The following NFKBIZ variants were observed in gnomAD, a reference collection of about 807,000 sequenced individuals.
NFKBIZ encodes NFKB inhibitor zeta, also known as NF-kappa-B inhibitor zeta.
A neutral mutation model predicts 76.8 loss-of-function variants in NFKBIZ; 19 were observed. The observed-to-expected ratio is 0.25, with a 90% CI of 0.17 to 0.36. NFKBIZ has a LOEUF of 0.36. Among genes scored for constraint, NFKBIZ ranks in the 10% least tolerant of loss-of-function variants. NFKBIZ has a pLI of 1.00. For missense variants in NFKBIZ, 829 were observed against 910.9 expected (o/e 0.91, Z 1.16); for synonymous variants, 368 against 354.8 (o/e 1.04, Z -0.42).
Position 101,852,728 on chromosome 3 carries a change from T to G in NFKBIZ, c.430-10T>G. ...TGTATACACTAAATTGGAAACTTTT[T>G]TCTTTATAGACACAAGGTGTGAACA... On this transcript the variant is annotated splice_polypyrimidine_tract_variant and intron_variant, in intron 2 of 11. Coordinates refer to ENST00000326172, the MANE Select transcript of NFKBIZ (RefSeq NM_031419.4). The G allele has an allele frequency of 1.3e-6, 2 of 1,598,858 alleles. No homozygotes were observed. Among genetic ancestry groups the G allele is most frequent in the Non-Finnish European group, 1.7e-6 (2 of 1,174,678 alleles).
intron 2 of NFKBIZ, among the ~76,000 whole-genome samples, chr3:101,837,504 A>AG (rs1431260351): frequency 1.3e-5 from 2 of 151,650 alleles, no homozygotes; most frequent in African/African-American, 4.8e-5. Context: ...AAAAAAAAAA[A>AG]AAAAGAAAAG....
intron 2 of NFKBIZ, among the ~76,000 whole-genome samples, chr3:101,840,720 G>A (rs994034211): frequency 1.3e-5 from 2 of 152,178 alleles, no homozygotes; most frequent in African/African-American, 4.8e-5. Flanking sequence ...TGTTTATTGG[G>A]ATGTTCAACT....
intron 1 of NFKBIZ, chr3:101,850,132 G>T: frequency 2.3e-6 from 1 of 433,562 alleles, no homozygotes; most frequent in Admixed American, 4.5e-5. Context: ...CCCTCCCGCG[G>T]GCCTCGGGGG....
At chr3:101,857,832 A>G in intron 11 of NFKBIZ, 2 of 979,870 alleles carry the variant, frequency 2.0e-6, no homozygotes, top group Non-Finnish European at 2.4e-6. Context: ...TGTGGATATT[A>G]AATGAGTTGT....
At chr3:101,851,801 G>T (rs978613234) in intron 1 of NFKBIZ, among the ~76,000 whole-genome samples, 2 of 152,156 alleles carry the variant, frequency 1.3e-5, no homozygotes, top group Non-Finnish European at 2.9e-5. Context: ...AGATAGAGAG[G>T]CTTAATTTGG....
rs1017632210 is a variant in NFKBIZ at position 101,860,286 on chromosome 3, C to T, written c.*915C>T. On this transcript the variant is annotated 3_prime_UTR_variant, in exon 12 of 12. Transcript: ENST00000326172. ...AGCCTTGACTTGGGCTCAAGTGATC[C>T]TCCTACCTGAGCCTTCTGAGTAACT... 2.6e-5 allele frequency: 4 copies of T among 151,874 alleles called. No homozygotes were observed. The highest frequency in any genetic ancestry group is 7.3e-5 in the African/African-American group (3 of 41,298). The allele number at this position is 151,874 out of a possible 1,614,324, so 9.4% of individuals were successfully genotyped here.
At chr3:101,844,840 C>T (rs553874606), upstream of NFKBIZ, among the ~76,000 whole-genome samples, 112 of 152,334 alleles carry the variant, frequency 7.4e-4, no homozygotes, top group Non-Finnish European at 2.8e-4. Context: ...TGGTCTTTCA[C>T]CTATGATGTT....
intron 4 of NFKBIZ, 45 bp downstream of exon 4, chr3:101,853,034 T>G (rs747457821): frequency 6.2e-7 from 1 of 1,612,306 alleles, no homozygotes; most frequent in South Asian, 1.1e-5. Context: ...TGGAAATTAT[T>G]CCTGGGATAA....
In NFKBIZ at chr3:101,849,566, G is replaced by A; in HGVS notation, c.-63G>A. The A allele has an allele frequency of 1.6e-6, 2 of 1,278,934 alleles. No homozygotes were observed. Among genetic ancestry groups the A allele is most frequent in the Non-Finnish European group, 9.9e-7 (1 of 1,010,886 alleles). 79.2% of individuals were successfully genotyped at this position (1,278,934 alleles called of 1,614,324 possible). A position where few individuals can be genotyped will look rare whatever the true frequency, so the allele number is the denominator to read the frequency against. On this transcript the variant is annotated 5_prime_UTR_variant, in exon 1 of 12. Transcript: ENST00000326172. Reference sequence around the variant, plus strand: ...ACAGCTCCCTGAGCCAGCCCGGGAGGCAGCCGCGCGCAGCGAGCCGGTGGC... The same window carrying A: ...ACAGCTCCCTGAGCCAGCCCGGGAGACAGCCGCGCGCAGCGAGCCGGTGGC...
chr3:101,849,860 T>C lies in NFKBIZ; in HGVS notation c.232T>C (p.Ser78Pro). The C allele has an allele frequency of 6.8e-7, 1 of 1,463,310 alleles. No homozygotes were observed. The highest frequency in any genetic ancestry group is 9.0e-7 in the Non-Finnish European group (1 of 1,115,774). The allele number at this position is 1,463,310 out of a possible 1,614,324, so 90.6% of individuals were successfully genotyped here. A position where few individuals can be genotyped will look rare whatever the true frequency, so the allele number is the denominator to read the frequency against. ...CTTCTCCTCTGCCTCGTCGGTGTCC[T>C]CCTGCGGCGCCGTGGAGTCCCGGTC... Reference protein sequence around the residue: ...SDFSSASSVSSCGAVESRSRG... With the variant: ...SDFSSASSVSPCGAVESRSRG... The change falls in exon 1 of 12, where the codon TCC (serine) becomes CCC (proline). Residue 78 changes from serine to proline, a missense_variant. Ser to Pro is a moderately conservative substitution (Grantham distance 74). Transcript: ENST00000326172.
At chr3:101,855,651 C>T (rs1943039105) in intron 8 of NFKBIZ, 82 bp from the exon 9 acceptor site, 2 of 1,429,696 alleles carry the variant, frequency 1.4e-6, no homozygotes, top group Non-Finnish European at 1.9e-6. Context: ...AGTTAGAGGC[C>T]ATCCTCAGCA....
chr3:101,853,584 T>G lies in NFKBIZ; in HGVS notation c.1058T>G (p.Ile353Ser). 1 of 1,614,242 alleles carries G rather than the reference T, an allele frequency of 6.2e-7. No homozygotes were observed. Among genetic ancestry groups the G allele is most frequent in the Non-Finnish European group, 8.5e-7 (1 of 1,180,044 alleles). ...LLGDQRESEN[I>S]ANPMQTSSSV... ...GGTGATCAAAGGGAATCTGAGAATA[T>G]TGCTAATCCCATGCAGACTTCCTCC... The change falls in exon 5 of 12, where the codon ATT (isoleucine) becomes AGT (serine). Residue 353 changes from isoleucine to serine, a missense_variant. This residue lies in a region of NFKBIZ where 371 missense variants were observed against 332.3 expected (regional missense o/e 1.12). Transcript: ENST00000326172.
chr3:101,852,311 C>T (rs1031529526), intron 2 of NFKBIZ, 87 bp downstream of exon 2: 3 of 1,471,636 alleles, frequency 2.0e-6, no homozygotes, highest in Non-Finnish European at 1.8e-6. Context: ...GTCCAGTCAT[C>T]AAGTAAGTCA....
Position 101,849,796 on chromosome 3 carries a change from C to T in NFKBIZ, c.168C>T (p.Gly56=), listed in dbSNP as rs750193192. The T allele has an allele frequency of 1.1e-5, 16 of 1,470,358 alleles. No homozygotes were observed. The highest frequency in any genetic ancestry group is 1.3e-5 in the Non-Finnish European group (15 of 1,118,404). 91.1% of individuals were successfully genotyped at this position (1,470,358 alleles called of 1,614,324 possible). The change falls in exon 1 of 12, where the codon GGC becomes GGT. Residue 56 remains glycine (G), a synonymous_variant. Transcript: ENST00000326172. ...GACDASCSVL[G]PSAPGSPGSD... ...GCGACGCCAGCTGCTCGGTCTTGGG[C>T]CCCTCGGCGCCCGGCTCGCCCGGCT...
upstream of NFKBIZ, among the ~76,000 whole-genome samples, chr3:101,848,239 A>G (rs1038421700): frequency 6.6e-6 from 1 of 152,196 alleles, no homozygotes; most frequent in African/African-American, 2.4e-5. Flanking sequence ...CAGCTGCTGG[A>G]GGTGCTCCAC....
chr3:101,850,592 A>G (rs1462411721), intron 1 of NFKBIZ, among the ~76,000 whole-genome samples: 1 of 151,942 alleles, frequency 6.6e-6, no homozygotes, highest in Non-Finnish European at 1.5e-5. Flanking sequence ...TGGGCTGCGA[A>G]TTGGTTTCCT....
chr3:101,842,083 T>C (rs932330680), intron 2 of NFKBIZ, among the ~76,000 whole-genome samples: 1 of 152,138 alleles, frequency 6.6e-6, no homozygotes, highest in African/African-American at 2.4e-5. Flanking sequence ...AGAGCTATGA[T>C]AGAAGTCTGT....
At chr3:101,852,456 C>T (rs1379350260) in intron 2 of NFKBIZ, among the ~76,000 whole-genome samples, 3 of 152,124 alleles carry the variant, frequency 2.0e-5, no homozygotes, top group African/African-American at 7.2e-5. Context: ...TAAATGAAGG[C>T]AAGTTCAGAG....
chr3:101,828,779 G>A (rs989736539), intron 1 of NFKBIZ, among the ~76,000 whole-genome samples: 1 of 152,196 alleles, frequency 6.6e-6, no homozygotes, highest in South Asian at 2.1e-4. Flanking sequence ...AAGGGGTTTT[G>A]TTTGAATAAA....
Sources: gnomAD v4.1 joint callset for allele counts (sites outside exome capture counted in the v4.1 genomes callset) on GRCh38, gnomAD v4.1.1 for gene constraint, gnomAD v4.1.1 regional missense constraint, MANE v1.5 for transcripts, NCBI Gene and HGNC (gene_info 2026-07-23, HGNC 2026-07-21) for gene names.